Variants in ANKLE2 observed in about 807,000 individuals in gnomAD.
The protein encoded by ANKLE2 is ankyrin repeat and LEM domain-containing protein 2.
Under a neutral mutation model 84.2 loss-of-function variants are expected in ANKLE2, and 55 were observed. The ratio of observed to expected loss-of-function variants is 0.65; its 90% CI spans 0.53 to 0.82. The LOEUF (loss-of-function observed/expected upper bound fraction) is 0.82. ANKLE2 is among the 40% of genes least tolerant of loss of function. The probability of loss-of-function intolerance (pLI) is 0.00; values close to 1 mark genes in which losing one functional copy is unlikely to be tolerated. For synonymous variants in ANKLE2, 551 were observed against 486.1 expected, an observed-to-expected ratio of 1.13 and a Z score of -1.76; for missense variants, 1,238 against 1,201.9, an observed-to-expected ratio of 1.03 and a Z score of -0.44.
intron 2 of ANKLE2, among the ~76,000 whole-genome samples, chr12:132,753,467 T>TA (rs1593179217): frequency 6.6e-6 from 1 of 151,944 alleles, no homozygotes; most frequent in East Asian, 1.9e-4. Context: ...CCCGCCTCTA[T>TA]AAAAAATACA....
Position 132,754,303 on chromosome 12 carries a change from T to A in ANKLE2, c.640+372A>T, listed in dbSNP as rs561533670. Among the ~76,000 whole-genome samples, 11 of 152,306 alleles carry A rather than the reference T, an allele frequency of 7.2e-5. No homozygotes were observed. In the East Asian group the frequency reaches 2.1e-3, roughly 29 times the overall value. On this transcript the variant is annotated intron_variant, in intron 2 of 12. Transcript: ENST00000357997. ...ACAAATCTTTGATGCTGAAAAGTAT[T>A]TATACACTCATTGGCCATTTGCATT... is the stretch of plus-strand genomic sequence containing the variant.
chr12:132,754,465 C>A (rs900178962), intron 2 of ANKLE2, among the ~76,000 whole-genome samples: 8 of 152,134 alleles, frequency 5.3e-5, no homozygotes, highest in Non-Finnish European at 1.0e-4. Flanking sequence ...ATCCAATTTA[C>A]CTCACAAATT....
intron 7 of ANKLE2, among the ~76,000 whole-genome samples, chr12:132,740,968 C>A (rs975599913): frequency 1.3e-5 from 2 of 150,898 alleles, no homozygotes; most frequent in African/African-American, 2.4e-5. Flanking sequence ...CAGGGAGCGA[C>A]CCCCACCCCA....
intron 5 of ANKLE2, among the ~76,000 whole-genome samples, chr12:132,747,337 C>A (rs2044260010): frequency 6.7e-6 from 1 of 150,078 alleles, no homozygotes; most frequent in South Asian, 2.1e-4. Flanking sequence ...TCTCCACAGC[C>A]CTGCGTGTCA....
intron 8 of ANKLE2, among the ~76,000 whole-genome samples, chr12:132,736,409 G>C (rs1370827187): frequency 6.6e-6 from 1 of 152,222 alleles, no homozygotes; most frequent in Non-Finnish European, 1.5e-5. Context: ...GGATTTCTCT[G>C]AACACTGGGG....
intron 7 of ANKLE2, among the ~76,000 whole-genome samples, chr12:132,740,738 C>A (rs1350367761): frequency 1.3e-5 from 2 of 152,012 alleles, no homozygotes; most frequent in Non-Finnish European, 2.9e-5. Flanking sequence ...TTTTCACATG[C>A]CTGGCACCTA....
chr12:132,727,125 C>T lies in ANKLE2; in HGVS notation c.*117G>A, dbSNP rs116205417. ...TTAAATCTTCTAAAATTCTCACACC[C>T]TCAAAGTGAGGAGTAATAATTTAAT... On this transcript the variant is annotated 3_prime_UTR_variant, in exon 13 of 13. Coordinates refer to ENST00000357997, the MANE Select transcript of ANKLE2 (RefSeq NM_015114.3). The T allele has an allele frequency of 8.1e-4, 894 of 1,104,386 alleles. 7 individuals carry two copies. In the African/African-American group the frequency reaches 0.012, roughly 15 times the overall value. 68.4% of individuals were successfully genotyped at this position (1,104,386 alleles called of 1,614,324 possible). A position where few individuals can be genotyped will look rare whatever the true frequency, so the allele number is the denominator to read the frequency against.
chr12:132,739,468 AAAG>A (rs1220552633), intron 7 of ANKLE2, among the ~76,000 whole-genome samples: 7 of 152,226 alleles, frequency 4.6e-5, no homozygotes, highest in Non-Finnish European at 1.0e-4. Context: ...TGGCACAGGA[AAAG>A]AAGACATACA....
At chr12:132,728,947 T>C (rs1176939945) in intron 11 of ANKLE2, among the ~76,000 whole-genome samples, 1 of 152,002 alleles carries the variant, frequency 6.6e-6, no homozygotes, top group Admixed American at 6.5e-5. Context: ...CCCTAGCAAA[T>C]AACAGCCAAC....
At chr12:132,731,541 CAG>C (rs2043846399) in intron 10 of ANKLE2, 2 of 151,544 alleles carry the variant, frequency 1.3e-5, no homozygotes, top group Non-Finnish European at 2.9e-5. Flanking sequence ...CACACACACA[CAG>C]TTTAAACTGT....
At chr12:132,730,470 G>A in intron 10 of ANKLE2, 200 bp from the exon 11 acceptor site, 1 of 562,226 alleles carries the variant, frequency 1.8e-6, no homozygotes, top group Non-Finnish European at 3.0e-6. Flanking sequence ...CAGATTTCAG[G>A]ATGGAAAACC....
At chr12:132,751,159 T>TA (rs141498622) in intron 2 of ANKLE2, 55,582 of 185,710 alleles carry the variant, frequency 0.3, 8,169 homozygotes, top group Non-Finnish European at 0.38. Flanking sequence ...AAAGGCAAAT[T>TA]AAAAAAAAAA....
rs374529253 is a variant in ANKLE2, at chr12:132,725,748, C to T, written c.*1494G>A. On this transcript the variant is annotated 3_prime_UTR_variant, in exon 13 of 13. Transcript: ENST00000357997. ...TGGTAAGATTTTAGAGAAAACAGATCATCACTACGAATATCCATATTCTGA... is the reference window on the plus strand; with the variant it reads ...TGGTAAGATTTTAGAGAAAACAGATTATCACTACGAATATCCATATTCTGA... 6.6e-6 allele frequency: 1 copy of T among 152,228 alleles called. No individual in the cohort carries two copies. The highest frequency in any genetic ancestry group is 2.4e-5 in the African/African-American group (1 of 41,456). The allele number at this position is 152,228 out of a possible 1,614,324, so 9.4% of individuals were successfully genotyped here.
chr12:132,741,807 A>G (rs2044129048), intron 6 of ANKLE2: 1 of 495,260 alleles, frequency 2.0e-6, no homozygotes, highest in Non-Finnish European at 3.9e-6. Context: ...CATGTTTCTA[A>G]CCTTCTTGGT....
chr12:132,746,348 C>CAAAAAAAAAAAAAAAAAA (rs566130639), intron 5 of ANKLE2, among the ~76,000 whole-genome samples: 68 of 66,468 alleles, frequency 1.0e-3, no homozygotes, highest in Non-Finnish European at 1.4e-3. Flanking sequence ...GACTCTGTCT[C>CAAAAAAAAAAAAAAAAAA]AAAAAAAAAA....
At chr12:132,758,092 C>T (rs545581345) in intron 1 of ANKLE2, 2 of 152,130 alleles carry the variant, frequency 1.3e-5, no homozygotes, top group African/African-American at 4.8e-5. Context: ...GTTTGGACCA[C>T]AGTTTACTGA....
At chr12:132,747,161 T>C (rs1417161264) in intron 5 of ANKLE2, among the ~76,000 whole-genome samples, 1 of 152,230 alleles carries the variant, frequency 6.6e-6, no homozygotes, top group Non-Finnish European at 1.5e-5. Context: ...TCACCTTTTC[T>C]CCGGAGCTAC....
chr12:132,739,267 A>G (rs1211811177), intron 7 of ANKLE2, among the ~76,000 whole-genome samples: 2 of 152,216 alleles, frequency 1.3e-5, no homozygotes, highest in African/African-American at 2.4e-5. Context: ...GAAAGTTAAG[A>G]AAAAGTACGA....
intron 6 of ANKLE2, chr12:132,742,047 G>A (rs931057956): frequency 9.6e-6 from 3 of 313,830 alleles, no homozygotes; most frequent in South Asian, 7.6e-5. Flanking sequence ...GCCTATGAGA[G>A]AAACTAATTA....
Sources: allele counts gnomAD v4.1 joint callset (sites outside exome capture counted in the v4.1 genomes callset), GRCh38; gene constraint gnomAD v4.1.1; transcripts MANE v1.5; gene names NCBI Gene and HGNC (gene_info 2026-07-23, HGNC 2026-07-21).